The following SIN3A variants were observed in gnomAD, a reference collection of about 807,000 sequenced individuals.
The protein encoded by SIN3A is paired amphipathic helix protein Sin3a.
SIN3A carries 14 observed loss-of-function variants against 146.1 expected under a neutral mutation model. That is an observed-to-expected ratio of 0.10 (90% CI 0.06 to 0.15). The LOEUF (loss-of-function observed/expected upper bound fraction) is 0.15, where lower values mean the gene tolerates loss of function less well. SIN3A is among the 10% of genes least tolerant of loss of function. SIN3A has a pLI of 1.00. For missense variants in SIN3A, 1,028 were observed against 1,576.0 expected, an observed-to-expected ratio of 0.65 and a Z score of 5.89; for synonymous variants, 572 against 572.0, an observed-to-expected ratio of 1.00 and a Z score of 0.00.
At chr15:75,410,411 C>G (rs1595906792) in intron 6 of SIN3A, 125 bp from the exon 7 acceptor site, 1 of 915,864 alleles carries the variant, frequency 1.1e-6, no homozygotes, top group East Asian at 2.5e-5. Flanking sequence ...ATGTTCTTAG[C>G]ACCCGTTCTG....
chr15:75,434,853 C>A (rs2074077735), intron 1 of SIN3A, among the ~76,000 whole-genome samples: 1 of 151,242 alleles, frequency 6.6e-6, no homozygotes, highest in Non-Finnish European at 1.5e-5. Flanking sequence ...GAGGCTGAGG[C>A]AGGAAAATCG....
upstream of SIN3A, among the ~76,000 whole-genome samples, chr15:75,454,552 C>T (rs936688884): frequency 6.6e-6 from 1 of 151,194 alleles, no homozygotes; most frequent in Non-Finnish European, 1.5e-5. Flanking sequence ...GGCTGACAGG[C>T]GCGCCCCCCG....
chr15:75,415,854 G>GAAAAAAAAAAAAAAAAAA (rs397946961), intron 3 of SIN3A: 1 of 95,844 alleles, frequency 1.0e-5, no homozygotes, highest in Non-Finnish European at 2.0e-5. Flanking sequence ...TCGGTCTCAG[G>GAAAAAAAAAAAAAAAAAA]AAAAAAAAAA....
chr15:75,411,712 C>G lies in SIN3A; in HGVS notation c.788G>C (p.Ser263Thr). 1.2e-6 allele frequency: 2 copies of G among 1,611,008 alleles called. No homozygotes were observed. Among genetic ancestry groups the G allele is most frequent in the East Asian group, 2.2e-5 (1 of 44,820 alleles). The change falls in exon 6 of 21, where the codon AGT becomes ACT. Residue 263 changes from serine to threonine, a missense_variant. Physicochemically the swap from Ser to Thr is moderately conservative, Grantham distance 58. Around this residue, in one of 9 missense-constraint regions of SIN3A, gnomAD observed 112 missense variants for 135.7 expected, o/e 0.83. Coordinates refer to ENST00000394947, the MANE Select transcript of SIN3A (RefSeq NM_001145358.2). ...PSQLQAHTPA[S>T]QQTPPLPPYA... ...CGGTGGAAGTGGGGGAGTCTGCTGA[C>G]TGGCCGGAGTATGTGCTTGCAGTTG... is the stretch of plus-strand genomic sequence containing the variant.
chr15:75,414,108 G>A, intron 4 of SIN3A, 97 bp downstream of exon 4: 1 of 521,546 alleles, frequency 1.9e-6, no homozygotes, highest in Admixed American at 4.1e-5. Flanking sequence ...GCTGCAAAAA[G>A]GAGCATCCTT....
intron 2 of SIN3A, among the ~76,000 whole-genome samples, chr15:75,425,603 G>A (rs1269296874): frequency 6.6e-6 from 1 of 152,114 alleles, no homozygotes; most frequent in Non-Finnish European, 1.5e-5. Flanking sequence ...TCTTTCTCCT[G>A]TCCTCTTACA....
At chr15:75,406,107 A>G (rs1278489286) in intron 9 of SIN3A, among the ~76,000 whole-genome samples, 2 of 152,200 alleles carry the variant, frequency 1.3e-5, no homozygotes, top group South Asian at 4.1e-4. Flanking sequence ...AAATAGAGTC[A>G]ATCACCACAG....
chr15:75,418,876 T>C (rs1197700658), intron 3 of SIN3A, among the ~76,000 whole-genome samples: 1 of 152,088 alleles, frequency 6.6e-6, no homozygotes, highest in Non-Finnish European at 1.5e-5. Flanking sequence ...TGCCTCAGCC[T>C]CCCAAGTAGC....
intron 2 of SIN3A, among the ~76,000 whole-genome samples, chr15:75,427,695 C>G (rs912627113): frequency 6.7e-6 from 1 of 149,884 alleles, no homozygotes; most frequent in Non-Finnish European, 1.5e-5. Flanking sequence ...ATAGGCTAGG[C>G]GTGGTGGCTC....
chr15:75,411,949 C>T (rs1346709770), intron 5 of SIN3A, among the ~76,000 whole-genome samples: 10 of 152,320 alleles, frequency 6.6e-5, no homozygotes, highest in South Asian at 2.1e-4. Flanking sequence ...TTCAGTCTCA[C>T]ATTTTCTAAA....
At chr15:75,434,707 G>T (rs1473430176) in intron 1 of SIN3A, among the ~76,000 whole-genome samples, 1 of 151,568 alleles carries the variant, frequency 6.6e-6, no homozygotes, top group Admixed American at 6.6e-5. Flanking sequence ...CTAACACTTT[G>T]GTTCGCCGAG....
intron 20 of SIN3A, 64 bp from the exon 21 acceptor site, chr15:75,372,273 C>A: frequency 9.0e-7 from 1 of 1,113,384 alleles, no homozygotes. Context: ...CCTTCAAATA[C>A]AAAGCCTAAT....
chr15:75,419,969 TATA>T (rs1555447279), intron 3 of SIN3A: 1 of 152,168 alleles, frequency 6.6e-6, no homozygotes, highest in Non-Finnish European at 1.5e-5. Flanking sequence ...CCAACTCTTA[TATA>T]AACTCTCTAT....
At chr15:75,436,762 A>G (rs963537436) in intron 1 of SIN3A, among the ~76,000 whole-genome samples, 34 of 146,786 alleles carry the variant, frequency 2.3e-4, no homozygotes, top group African/African-American at 3.5e-4. Flanking sequence ...GAGGATTAGG[A>G]AAAAAAAAAA....
chr15:75,384,177 G>C (rs2073037631), intron 17 of SIN3A, 87 bp downstream of exon 17: 1 of 1,103,882 alleles, frequency 9.1e-7, no homozygotes, highest in South Asian at 1.6e-5. Context: ...ACAGGTCAAA[G>C]TACCCCGGCT....
chr15:75,445,315 A>C (rs2141626066), intron 1 of SIN3A, among the ~76,000 whole-genome samples: 1 of 138,828 alleles, frequency 7.2e-6, no homozygotes, highest in East Asian at 2.2e-4. Context: ...TGGGAAGGGG[A>C]GATTGCAGTG....
At chr15:75,450,004 T>A (rs1458021365) in intron 1 of SIN3A, among the ~76,000 whole-genome samples, 1 of 152,116 alleles carries the variant, frequency 6.6e-6, no homozygotes, top group Non-Finnish European at 1.5e-5. Context: ...GGTCTCGAAC[T>A]CCTGACCTCA....
chr15:75,373,789 T>A (rs2072802387), intron 20 of SIN3A, among the ~76,000 whole-genome samples: 1 of 151,298 alleles, frequency 6.6e-6, no homozygotes. Flanking sequence ...AAGAATGCAG[T>A]ATATATAATA....
chr15:75,452,764 G>A (rs1299203369), upstream of SIN3A, among the ~76,000 whole-genome samples: 1 of 152,230 alleles, frequency 6.6e-6, no homozygotes, highest in South Asian at 2.1e-4. Flanking sequence ...AACTGAGAAA[G>A]GAGAGGAAAA....
Sources: gnomAD v4.1 joint callset for allele counts (sites outside exome capture counted in the v4.1 genomes callset) on GRCh38, gnomAD v4.1.1 for gene constraint, gnomAD v4.1.1 regional missense constraint, MANE v1.5 for transcripts, NCBI Gene and HGNC (gene_info 2026-07-23, HGNC 2026-07-21) for gene names.